NECAB1: variants seen among roughly 807,000 people sequenced by gnomAD.
The protein encoded by NECAB1 is N-terminal EF-hand calcium-binding protein 1.
A neutral mutation model predicts 57.5 loss-of-function variants in NECAB1; 29 were observed. The observed-to-expected ratio is 0.50, with a 90% CI of 0.38 to 0.69. NECAB1 has a LOEUF of 0.69. NECAB1 is among the 30% of genes least tolerant of loss of function. The pLI, the probability that NECAB1 is intolerant of heterozygous loss-of-function variation, is 0.00. For missense variants in NECAB1, 372 were observed against 413.8 expected (o/e 0.90, Z 0.88); for synonymous variants, 142 against 147.7 (o/e 0.96, Z 0.28).
rs1811085213 is a variant in NECAB1 at position 90,959,072 on chromosome 8, T to C, written c.*3560T>C. The C allele has an allele frequency of 2.2e-6, 2 of 922,178 alleles. No individual in the cohort carries two copies. Among genetic ancestry groups the C allele is most frequent in the Non-Finnish European group, 3.2e-6 (2 of 620,652 alleles). 57.1% of individuals were successfully genotyped at this position (922,178 alleles called of 1,614,324 possible). On this transcript the variant is annotated 3_prime_UTR_variant, in exon 13 of 13. Transcript: ENST00000417640. Reference sequence around the variant, plus strand: ...AAAGTTAATTTATCAATTGATTGAATACAGTTTTTACTAATTAGTTTATCA... The same window carrying C: ...AAAGTTAATTTATCAATTGATTGAACACAGTTTTTACTAATTAGTTTATCA...
At chr8:90,868,503 T>C (rs370497911) in intron 3 of NECAB1, among the ~76,000 whole-genome samples, 2 of 152,238 alleles carry the variant, frequency 1.3e-5, no homozygotes, top group East Asian at 1.9e-4. Flanking sequence ...AGATGGGAAC[T>C]GGATAAAGGT....
chr8:90,825,113 C>T (rs1031726271), intron 3 of NECAB1: 22 of 183,600 alleles, frequency 1.2e-4, no homozygotes, highest in African/African-American at 5.1e-4. Context: ...ATAGTTCTGC[C>T]ATTAATTTAA....
chr8:90,919,886 T>C (rs905117808), intron 6 of NECAB1, among the ~76,000 whole-genome samples: 2 of 152,302 alleles, frequency 1.3e-5, no homozygotes, highest in South Asian at 2.1e-4. Flanking sequence ...TTTGTTTTTT[T>C]CTACAGTCAT....
At chr8:90,884,104 G>T (rs956697851) in intron 5 of NECAB1, among the ~76,000 whole-genome samples, 1 of 152,108 alleles carries the variant, frequency 6.6e-6, no homozygotes, top group African/African-American at 2.4e-5. Flanking sequence ...GTGCAGCCGT[G>T]AAATTTTCCA....
chr8:90,846,043 G>A (rs1159368918), intron 3 of NECAB1, among the ~76,000 whole-genome samples: 1 of 152,164 alleles, frequency 6.6e-6, no homozygotes, highest in Non-Finnish European at 1.5e-5. Flanking sequence ...CTCAAGCTGG[G>A]CTAAGGAACA....
Position 90,935,376 on chromosome 8 carries a change from G to A in NECAB1, c.747+1019G>A, listed in dbSNP as rs552501245. On this transcript the variant is annotated intron_variant, in intron 9 of 12. Transcript: ENST00000417640. ...CCTATAGTTATGAATACTTTACCCCGATAAGCTAGATTTGTCACTGCATGT... is the reference window on the plus strand; with the variant it reads ...CCTATAGTTATGAATACTTTACCCCAATAAGCTAGATTTGTCACTGCATGT... Among the ~76,000 whole-genome samples, 8 of 152,278 alleles carry A rather than the reference G, an allele frequency of 5.3e-5. No homozygotes were observed. In the South Asian group the frequency reaches 6.2e-4, roughly 12 times the overall value.
At chr8:90,897,154 T>C (rs1221413549) in intron 5 of NECAB1, among the ~76,000 whole-genome samples, 3 of 152,224 alleles carry the variant, frequency 2.0e-5, no homozygotes, top group East Asian at 1.9e-4. Flanking sequence ...AGCCAAATTA[T>C]TGGCAACTCT....
At chr8:90,811,249 C>T (rs1377998265) in intron 2 of NECAB1, among the ~76,000 whole-genome samples, 3 of 152,086 alleles carry the variant, frequency 2.0e-5, no homozygotes, top group African/African-American at 7.2e-5. Flanking sequence ...CTGCACCTGG[C>T]GAAAATTGAT....
intron 9 of NECAB1, among the ~76,000 whole-genome samples, chr8:90,935,526 T>G (rs1316884145): frequency 6.6e-6 from 1 of 152,114 alleles, no homozygotes; most frequent in Non-Finnish European, 1.5e-5. Flanking sequence ...ATATACATAC[T>G]AAGAATAGCG....
In NECAB1 at chr8:90,824,723, G is replaced by A; in HGVS notation, c.131G>A (p.Gly44Glu). ...TTTGTTCTTGCCATTTCAGATGATG[G>A]AAAATTATCCTTTGAAGAATTCAAA... ...ILRRADKNDDGKLSFEEFKAY... is the reference protein window; with the variant it reads ...ILRRADKNDDEKLSFEEFKAY... The change falls in exon 3 of 13, where the codon GGA becomes GAA. Residue 44 changes from glycine (G) to glutamate (E), a missense_variant. Transcript: ENST00000417640. The A allele has an allele frequency of 6.6e-7, 1 of 1,526,664 alleles. No homozygotes were observed. The highest frequency in any genetic ancestry group is 1.3e-5 in the South Asian group (1 of 79,930). The allele number at this position is 1,526,664 out of a possible 1,614,324, so 94.6% of individuals were successfully genotyped here. A position where few individuals can be genotyped will look rare whatever the true frequency, so the allele number is the denominator to read the frequency against.
Position 90,928,257 on chromosome 8 carries a change from G to C in NECAB1, c.651G>C (p.Gln217His). Residue 217 changes from glutamine (Q) to histidine (H), a missense_variant, in exon 8 of 13, where the codon CAG becomes CAC. Transcript: ENST00000417640. ...AAGAAGACAACCAGTGGATGACCCA[G>C]ATAAATAGACTCCAGAAATTAATTG... is the stretch of plus-strand genomic sequence containing the variant. ...LLEEDNQWMT[Q>H]INRLQKLIDR... 1 of 1,609,850 alleles carries C rather than the reference G, an allele frequency of 6.2e-7. No homozygotes were observed. Among genetic ancestry groups the C allele is most frequent in the Non-Finnish European group, 8.5e-7 (1 of 1,178,216 alleles).
At chr8:90,829,658 T>C (rs1471509211) in intron 3 of NECAB1, among the ~76,000 whole-genome samples, 1 of 152,004 alleles carries the variant, frequency 6.6e-6, no homozygotes, top group Non-Finnish European at 1.5e-5. Context: ...ATTTTTTGGG[T>C]GCTGAGCACT....
At chr8:90,798,764 G>A (rs548275714) in intron 1 of NECAB1, among the ~76,000 whole-genome samples, 9 of 152,266 alleles carry the variant, frequency 5.9e-5, no homozygotes, top group African/African-American at 1.7e-4. Flanking sequence ...GAATATACGA[G>A]TGCCATGTGT....
chr8:90,947,548 A>G (rs899716239), intron 10 of NECAB1, among the ~76,000 whole-genome samples: 2 of 151,862 alleles, frequency 1.3e-5, no homozygotes, highest in Admixed American at 6.6e-5. Flanking sequence ...TTACAGGCAC[A>G]TGCCACTGTG....
chr8:90,903,130 T>C (rs1241180295), intron 5 of NECAB1, among the ~76,000 whole-genome samples: 1 of 151,936 alleles, frequency 6.6e-6, no homozygotes, highest in Non-Finnish European at 1.5e-5. Flanking sequence ...AAAAACAATA[T>C]ATTATAGATA....
At chr8:90,889,070 C>T (rs1354864070) in intron 5 of NECAB1, among the ~76,000 whole-genome samples, 1 of 152,090 alleles carries the variant, frequency 6.6e-6, no homozygotes, top group Non-Finnish European at 1.5e-5. Context: ...AGAATACTGG[C>T]TGTGTATTAT....
At chr8:90,925,452 T>C in intron 6 of NECAB1, 83 bp from the exon 7 acceptor site, 5 of 1,506,916 alleles carry the variant, frequency 3.3e-6, no homozygotes, top group South Asian at 2.4e-5. Flanking sequence ...AAAACCTTTA[T>C]GACTGACGCA....
chr8:90,932,558 T>C (rs959752844), intron 8 of NECAB1, among the ~76,000 whole-genome samples: 4 of 151,780 alleles, frequency 2.6e-5, no homozygotes, highest in African/African-American at 9.7e-5. Context: ...GATATTCGAG[T>C]TGAGATGTGA....
chr8:90,792,570 T>G (rs988281564), intron 1 of NECAB1, among the ~76,000 whole-genome samples: 1 of 152,194 alleles, frequency 6.6e-6, no homozygotes, highest in Non-Finnish European at 1.5e-5. Context: ...TTCCCTGATA[T>G]TCTCCTTCTC....
Sources: allele counts gnomAD v4.1 joint callset (sites outside exome capture counted in the v4.1 genomes callset), GRCh38; gene constraint gnomAD v4.1.1; transcripts MANE v1.5; gene names NCBI Gene and HGNC (gene_info 2026-07-23, HGNC 2026-07-21).